Variants in OPRL1 observed in about 807,000 individuals in gnomAD.
OPRL1 encodes the protein opioid related nociceptin receptor 1.
In OPRL1, 5 loss-of-function variants were observed where a neutral mutation model predicts 15.5. The observed-to-expected ratio is 0.32, with a 90% CI of 0.17 to 0.68. The LOEUF (loss-of-function observed/expected upper bound fraction) is 0.68. Among genes scored for constraint, OPRL1 ranks in the 30% least tolerant of loss-of-function variants. The pLI is 0.72. For synonymous variants in OPRL1, 223 were observed against 230.2 expected (o/e 0.97, Z 0.28); for missense variants, 406 against 515.3 (o/e 0.79, Z 2.05).
chr20:64,098,918 G>GCCT lies in OPRL1; in HGVS notation c.*120_*122dup, dbSNP rs1979532632. The GCCT allele has an allele frequency of 1.5e-6, 2 of 1,348,572 alleles. No individual in the cohort carries two copies. Among genetic ancestry groups the GCCT allele is most frequent in the African/African-American group, 2.9e-5 (2 of 68,124 alleles). 83.5% of individuals were successfully genotyped at this position (1,348,572 alleles called of 1,614,324 possible). On this transcript the variant is annotated 3_prime_UTR_variant, in exon 5 of 5. Coordinates refer to ENST00000336866, the MANE Select transcript of OPRL1 (RefSeq NM_182647.4). The stretch of plus-strand genomic sequence containing the variant: ...ACACCCTGGGCCCTGAGCATCCAGA[G>GCCT]CCTGGGATGGGCTTTTCCCTGTGGG...
In OPRL1 at chr20:64,098,471, C is replaced by T. The variant is rs1285661421; in HGVS notation, c.785C>T (p.Thr262Ile). ...AAGGACCGGAACCTGCGGCGCATCA[C>T]TCGGCTGGTGCTGGTGGTAGTGGCT... ...REKDRNLRRI[T>I]RLVLVVVAVF... The change falls in exon 5 of 5, where the codon ACT (threonine) becomes ATT (isoleucine). Residue 262 changes from threonine to isoleucine, a missense_variant. Transcript: ENST00000336866. 6.2e-7 allele frequency: 1 copy of T among 1,613,232 alleles called. No individual in the cohort carries two copies. The highest frequency in any genetic ancestry group is 1.3e-5 in the African/African-American group (1 of 74,938).
Position 64,098,919 on chromosome 20 carries a change from C to A in OPRL1, c.*120C>A. ...CACCCTGGGCCCTGAGCATCCAGAG[C>A]CTGGGATGGGCTTTTCCCTGTGGGC... On this transcript the variant is annotated 3_prime_UTR_variant, in exon 5 of 5. Transcript: ENST00000336866. 7.4e-7 allele frequency: 1 copy of A among 1,345,690 alleles called. No homozygotes were observed. Among genetic ancestry groups the A allele is most frequent in the Non-Finnish European group, 9.9e-7 (1 of 1,014,402 alleles). The allele number at this position is 1,345,690 out of a possible 1,614,324, so 83.4% of individuals were successfully genotyped here. A position where few individuals can be genotyped will look rare whatever the true frequency, so the allele number is the denominator to read the frequency against.
chr20:64,098,385 CT>C lies in OPRL1; in HGVS notation c.700del (p.Cys234AlafsTer5), dbSNP rs769560700. Reference protein sequence around the residue: ...FIVPVLVISVCYSLMIRRLRG... With the variant: ...FIVPVLVISVXYSLMIRRLRG... ...TCGTCCCCGTGCTCGTCATCTCTGT[CT>C]GCTACAGCCTCATGATCCGGCGGCT... On this transcript the variant is annotated frameshift_variant, in exon 5 of 5. Coordinates refer to ENST00000336866, the MANE Select transcript of OPRL1 (RefSeq NM_182647.4). LOFTEE classifies it high-confidence loss of function. 1 of 1,613,836 alleles carries C rather than the reference CT, an allele frequency of 6.2e-7. No individual in the cohort carries two copies. The highest frequency in any genetic ancestry group is 2.2e-5 in the East Asian group (1 of 44,874).
In OPRL1 at chr20:64,084,498, C is replaced by T; in HGVS notation, c.-185+4146C>T. The T allele has an allele frequency of 5.3e-6, 4 of 759,538 alleles. No homozygotes were observed. The South Asian group carries it at 1.8e-4, about 34-fold the overall frequency. 47.0% of individuals were successfully genotyped at this position (759,538 alleles called of 1,614,324 possible). On this transcript the variant is annotated intron_variant, in intron 1 of 4. Transcript: ENST00000336866. ...AACTCAGTTGTAGGAAATATCTTTC[C>T]TACCCGATGGACTGTTCTGTTTGAA...
chr20:64,098,298 C>G lies in OPRL1; in HGVS notation c.612C>G (p.Ile204Met), dbSNP rs761987919. ...CAGAGATCGAGTGCCTGGTGGAGAT[C>G]CCTACCCCTCAGGATTACTGGGGCC... ...EDEEIECLVE[I>M]PTPQDYWGPV... Residue 204 changes from isoleucine (I) to methionine (M), a missense_variant, in exon 5 of 5, where the codon ATC becomes ATG. Physicochemically the swap from Ile to Met is conservative, Grantham distance 10 (BLOSUM62 1). Coordinates refer to ENST00000336866, the MANE Select transcript of OPRL1 (RefSeq NM_182647.4). 110 of 1,613,738 alleles carry G rather than the reference C, an allele frequency of 6.8e-5. No homozygotes were observed. Among genetic ancestry groups the G allele is most frequent in the Non-Finnish European group, 9.0e-5 (106 of 1,179,944 alleles).
In OPRL1 at chr20:64,083,501, G is replaced by C; in HGVS notation, c.-185+3149G>C. On this transcript the variant is annotated intron_variant, in intron 1 of 4. Transcript: ENST00000336866. This position sits in a 1 kb window ranked among gnomAD's most constrained non-coding sequence, Gnocchi z 4.9. ...TGGTCTCCACGCGCCTCCGCTGCCG[G>C]GGAGAGAGGCTGGGGTCCGGCGTGT... is the stretch of plus-strand genomic sequence containing the variant. The C allele has an allele frequency of 6.3e-7, 1 of 1,587,432 alleles. No individual in the cohort carries two copies. The highest frequency in any genetic ancestry group is 8.6e-7 in the Non-Finnish European group (1 of 1,168,226).
chr20:64,096,675 T>C, intron 3 of OPRL1, among the ~76,000 whole-genome samples: 1 of 151,972 alleles, frequency 6.6e-6, no homozygotes, highest in East Asian at 1.9e-4. Context: ...CTGCTGCCAC[T>C]GCCAATATCG....
Position 64,083,571 on chromosome 20 carries a change from G to A in OPRL1, c.-185+3219G>A. Reference sequence around the variant, plus strand: ...CTCCCCTTTCCCCGCCCCTACCGGGGCTTGTCTGCACCTCTTGGCGGTCCA... The same window carrying A: ...CTCCCCTTTCCCCGCCCCTACCGGGACTTGTCTGCACCTCTTGGCGGTCCA... On this transcript the variant is annotated intron_variant, in intron 1 of 4. Transcript: ENST00000336866. This position sits in a 1 kb window ranked among gnomAD's most constrained non-coding sequence, Gnocchi z 4.9. 4 of 1,526,412 alleles carry A rather than the reference G, an allele frequency of 2.6e-6. No homozygotes were observed. Among genetic ancestry groups the A allele is most frequent in the South Asian group, 1.2e-5 (1 of 82,654 alleles). The allele number at this position is 1,526,412 out of a possible 1,614,324, so 94.6% of individuals were successfully genotyped here. A position where few individuals can be genotyped will look rare whatever the true frequency, so the allele number is the denominator to read the frequency against.
chr20:64,083,864 G>C lies in OPRL1; in HGVS notation c.-185+3512G>C. The C allele has an allele frequency of 1.4e-6, 2 of 1,419,330 alleles. No individual in the cohort carries two copies. The highest frequency in any genetic ancestry group is 3.1e-5 in the East Asian group (1 of 32,576). 87.9% of individuals were successfully genotyped at this position (1,419,330 alleles called of 1,614,324 possible). A position where few individuals can be genotyped will look rare whatever the true frequency, so the allele number is the denominator to read the frequency against. Reference sequence around the variant, plus strand: ...CCGCAGGGCGCGGACTCGCCCGCGGGCCTCCGCTGCCTTGAGGACGCCGAG... The same window carrying C: ...CCGCAGGGCGCGGACTCGCCCGCGGCCCTCCGCTGCCTTGAGGACGCCGAG... On this transcript the variant is annotated intron_variant, in intron 1 of 4. Coordinates refer to ENST00000336866, the MANE Select transcript of OPRL1 (RefSeq NM_182647.4). This position sits in a 1 kb window ranked among gnomAD's most constrained non-coding sequence, Gnocchi z 4.9.
Position 64,083,048 on chromosome 20 carries a change from C to T in OPRL1, c.-185+2696C>T, listed in dbSNP as rs1038254064. Among the ~76,000 whole-genome samples, 10 of 152,124 alleles carry T rather than the reference C, an allele frequency of 6.6e-5. No homozygotes were observed. Among genetic ancestry groups the T allele is most frequent in the Non-Finnish European group, 1.2e-4 (8 of 68,022 alleles). On this transcript the variant is annotated intron_variant, in intron 1 of 4. Coordinates refer to ENST00000336866, the MANE Select transcript of OPRL1 (RefSeq NM_182647.4). This position sits in a 1 kb window ranked among gnomAD's most constrained non-coding sequence, Gnocchi z 4.9. The stretch of plus-strand genomic sequence containing the variant: ...TCCCTGGCCCCCTGGTGGGATGACT[C>T]GCACTCGAGACCACTGCAGCCTGAG...
At chr20:64,088,696 A>C (rs62218106) in intron 1 of OPRL1, among the ~76,000 whole-genome samples, 1 of 43,962 alleles carries the variant, frequency 2.3e-5, no homozygotes, top group Non-Finnish European at 5.3e-5. Context: ...CTGTGCAGGG[A>C]GGCCAGGGTC....
In OPRL1 at chr20:64,089,665, C is replaced by T. The variant is rs1026732064; in HGVS notation, c.-184-2301C>T. Among the ~76,000 whole-genome samples, 2 of 152,132 alleles carry T rather than the reference C, an allele frequency of 1.3e-5. No homozygotes were observed. Among genetic ancestry groups the T allele is most frequent in the Admixed American group, 1.3e-4 (2 of 15,284 alleles). On this transcript the variant is annotated intron_variant, in intron 1 of 4. Transcript: ENST00000336866. The surrounding 1 kb of genome is among the most constrained non-coding windows in gnomAD (Gnocchi z 5.5). ...GTGACCCAGGTGGAAGACAGACATG[C>T]GAAGGGAGAGGTGTCTGCAGTAGCA...
intron 1 of OPRL1, among the ~76,000 whole-genome samples, chr20:64,088,967 C>T (rs1167397754): frequency 1.7e-5 from 2 of 119,444 alleles, no homozygotes; most frequent in Non-Finnish European, 3.6e-5. Context: ...AGGGTCTTTG[C>T]AAGGGGGCAG....
At chr20:64,081,126 C>T (rs1421877423) in intron 1 of OPRL1, among the ~76,000 whole-genome samples, 2 of 56,634 alleles carry the variant, frequency 3.5e-5, no homozygotes, top group African/African-American at 1.4e-4. Flanking sequence ...CGCTGCTGAG[C>T]GGGGGCGGGG....
Position 64,098,343 on chromosome 20 carries a change from C to T in OPRL1, c.657C>T (p.Ile219=), listed in dbSNP as rs755638382. ...GGGGCCCGGTGTTTGCCATCTGCAT[C>T]TTCCTCTTCTCCTTCATCGTCCCCG... ...DYWGPVFAIC[I]FLFSFIVPVL... Residue 219 remains isoleucine (I), a synonymous_variant, in exon 5 of 5, where the codon ATC becomes ATT. Coordinates refer to ENST00000336866, the MANE Select transcript of OPRL1 (RefSeq NM_182647.4). The T allele has an allele frequency of 6.2e-7, 1 of 1,613,982 alleles. No individual in the cohort carries two copies. Among genetic ancestry groups the T allele is most frequent in the South Asian group, 1.1e-5 (1 of 91,090 alleles).
chr20:64,083,497 G>T lies in OPRL1; in HGVS notation c.-185+3145G>T, dbSNP rs775285033. 1 of 1,588,198 alleles carries T rather than the reference G, an allele frequency of 6.3e-7. No individual in the cohort carries two copies. Among genetic ancestry groups the T allele is most frequent in the Admixed American group, 1.8e-5 (1 of 56,540 alleles). ...AGGATGGTCTCCACGCGCCTCCGCT[G>T]CCGGGGAGAGAGGCTGGGGTCCGGC... On this transcript the variant is annotated intron_variant, in intron 1 of 4. Transcript: ENST00000336866. The surrounding 1 kb of genome is among the most constrained non-coding windows in gnomAD (Gnocchi z 4.9).
rs924439290 is a variant in OPRL1, at chr20:64,083,205, C to T, written c.-185+2853C>T. On this transcript the variant is annotated intron_variant, in intron 1 of 4. Coordinates refer to ENST00000336866, the MANE Select transcript of OPRL1 (RefSeq NM_182647.4). The surrounding 1 kb of genome is among the most constrained non-coding windows in gnomAD (Gnocchi z 4.9). ...GGGGCAGATCGGGATTAGGGGTAGG[C>T]GTGTCCCTGACCTGTTACTTTCACA... Among the ~76,000 whole-genome samples the T allele has an allele frequency of 2.0e-5, 3 of 152,140 alleles. No homozygotes were observed. The highest frequency in any genetic ancestry group is 7.2e-5 in the African/African-American group (3 of 41,414).
Position 64,092,693 on chromosome 20 carries a change from G to A in OPRL1, c.-28G>A, listed in dbSNP as rs576993680. 19 of 1,603,840 alleles carry A rather than the reference G, an allele frequency of 1.2e-5. No homozygotes were observed. The highest frequency in any genetic ancestry group is 1.1e-4 in the African/African-American group (8 of 74,936). On this transcript the variant is annotated 5_prime_UTR_variant, in exon 3 of 5. Transcript: ENST00000336866. ...GTCTCTGCGCTCTGTCCCAGGTACCGTACAGAGTGGATTTGCAGGGCAGTG... is the reference window on the plus strand; with the variant it reads ...GTCTCTGCGCTCTGTCCCAGGTACCATACAGAGTGGATTTGCAGGGCAGTG...
rs998254539 is a variant in OPRL1, at chr20:64,084,265, C to G, written c.-185+3913C>G. 14 of 1,339,270 alleles carry G rather than the reference C, an allele frequency of 1.0e-5. No homozygotes were observed. In the South Asian group the frequency reaches 2.4e-4, roughly 23 times the overall value. 83.0% of individuals were successfully genotyped at this position (1,339,270 alleles called of 1,614,324 possible). On this transcript the variant is annotated intron_variant, in intron 1 of 4. Transcript: ENST00000336866. ...GGAGGGCGTCCCGTCGGTGCCGGGG[C>G]TGGCACCGGGCCCTGCCCGCCCCTC... is the stretch of plus-strand genomic sequence containing the variant.
Sources: allele counts gnomAD v4.1 joint callset (sites outside exome capture counted in the v4.1 genomes callset), GRCh38; gene constraint gnomAD v4.1.1; non-coding constraint Gnocchi (gnomAD v3.1); transcripts MANE v1.5; gene names NCBI Gene and HGNC (gene_info 2026-07-23, HGNC 2026-07-21).